BCKDHB: variants seen among roughly 807,000 people sequenced by gnomAD.
The protein encoded by BCKDHB is 2-oxoisovalerate dehydrogenase subunit beta, mitochondrial.
A neutral mutation model predicts 48.5 loss-of-function variants in BCKDHB; 41 were observed. That is an observed-to-expected ratio of 0.85 (90% confidence interval 0.66 to 1.10). The LOEUF is 1.10. Ranked by LOEUF, BCKDHB falls within the 50% of genes least tolerant of loss-of-function variation. BCKDHB has a pLI of 0.00. For missense variants in BCKDHB, 496 were observed against 494.2 expected (o/e 1.00, Z -0.03); for synonymous variants, 201 against 174.8 (o/e 1.15, Z -1.18).
At chr6:80,235,742 A>T (rs768994631) in intron 8 of BCKDHB, among the ~76,000 whole-genome samples, 1 of 152,170 alleles carries the variant, frequency 6.6e-6, no homozygotes, top group Non-Finnish European at 1.5e-5. Flanking sequence ...AGTGGATAGG[A>T]TAATTTAAAA....
intron 8 of BCKDHB, among the ~76,000 whole-genome samples, chr6:80,238,973 G>T (rs1445133078): frequency 1.3e-5 from 2 of 152,240 alleles, no homozygotes; most frequent in East Asian, 3.9e-4. Flanking sequence ...GTGTATATGT[G>T]CCACATTTTC....
At chr6:80,174,339 AT>A (rs1773052523) in intron 6 of BCKDHB, among the ~76,000 whole-genome samples, 1 of 152,168 alleles carries the variant, frequency 6.6e-6, no homozygotes, top group African/African-American at 2.4e-5. Flanking sequence ...TTTTTACATA[AT>A]GGTCCATTAG....
chr6:80,291,083 T>A (rs902511715), intron 9 of BCKDHB, among the ~76,000 whole-genome samples: 2 of 152,172 alleles, frequency 1.3e-5, no homozygotes, highest in African/African-American at 4.8e-5. Flanking sequence ...TCCTATCTCA[T>A]CCTGTGAATT....
intron 8 of BCKDHB, among the ~76,000 whole-genome samples, chr6:80,215,691 A>G (rs1775137440): frequency 6.6e-6 from 1 of 152,336 alleles, no homozygotes; most frequent in Non-Finnish European, 1.5e-5. Flanking sequence ...TTTTAGGTAC[A>G]TTTTAAAGAA....
rs575779949 is a variant in BCKDHB, at chr6:80,170,696, G to A, written c.634-586G>A. Reference sequence around the variant, plus strand: ...TGTCATCACCCTCATTCTCGAGAAGGTCCTGGAGCCCTTTCCTGTGAGTGG... The same window carrying A: ...TGTCATCACCCTCATTCTCGAGAAGATCCTGGAGCCCTTTCCTGTGAGTGG... On this transcript the variant is annotated intron_variant, in intron 5 of 9. Coordinates refer to ENST00000320393, the MANE Select transcript of BCKDHB (RefSeq NM_183050.4). 3.0e-3 allele frequency among the ~76,000 whole-genome samples: 454 copies of A among 152,252 alleles called. 1 individual carries two copies. The highest frequency in any genetic ancestry group is 0.011 in the African/African-American group (439 of 41,566).
At chr6:80,434,545 A>T in the BCKDHB span, among the ~76,000 whole-genome samples, 1 of 151,958 alleles carries the variant, frequency 6.6e-6, no homozygotes, top group Non-Finnish European at 1.5e-5. Context: ...GATATTGTGA[A>T]TTTTTTTATT....
At chr6:80,374,339 G>A in the BCKDHB span, 12 of 942,014 alleles carry the variant, frequency 1.3e-5, no homozygotes, top group Admixed American at 1.0e-4. Flanking sequence ...CTTGTGTCTA[G>A]CCCCACTGCT....
chr6:80,114,283 C>G (rs532473898), intron 1 of BCKDHB, among the ~76,000 whole-genome samples: 1 of 150,824 alleles, frequency 6.6e-6, no homozygotes, highest in East Asian at 1.9e-4. Flanking sequence ...GGGTCTCACT[C>G]TCTTGTCTAG....
chr6:80,435,816 G>A, the BCKDHB span, among the ~76,000 whole-genome samples: 1 of 152,032 alleles, frequency 6.6e-6, no homozygotes, highest in African/African-American at 2.4e-5. Flanking sequence ...GGTGGATCAC[G>A]AGGTCCAGAG....
At chr6:80,427,690 T>C in the BCKDHB span, among the ~76,000 whole-genome samples, 3 of 152,182 alleles carry the variant, frequency 2.0e-5, no homozygotes, top group East Asian at 5.8e-4. Flanking sequence ...TCTGAAAATA[T>C]CTTTATTAAA....
intron 9 of BCKDHB, among the ~76,000 whole-genome samples, chr6:80,312,573 A>G (rs1219372828): frequency 6.6e-6 from 1 of 152,172 alleles, no homozygotes; most frequent in African/African-American, 2.4e-5. Flanking sequence ...TGTCATACAT[A>G]TATGGCTCTT....
rs964814097 is a variant in BCKDHB at position 80,183,715 on chromosome 6, T to A, written c.742+12325T>A. On this transcript the variant is annotated intron_variant, in intron 6 of 9. Coordinates refer to ENST00000320393, the MANE Select transcript of BCKDHB (RefSeq NM_183050.4). ...AATATCTTGCAGAGTATTTCCACTG[T>A]CCTAGAAATTTTCTGTGCTTCATCT... Among the ~76,000 whole-genome samples the A allele has an allele frequency of 7.2e-5, 11 of 152,262 alleles. No homozygotes were observed. The East Asian group carries it at 1.7e-3, about 24-fold the overall frequency.
chr6:80,351,250 T>C (rs890517853), downstream of BCKDHB, among the ~76,000 whole-genome samples: 1 of 152,206 alleles, frequency 6.6e-6, no homozygotes, highest in African/African-American at 2.4e-5. Flanking sequence ...AGTCTTCAGA[T>C]AGATTTCAAA....
the BCKDHB span, chr6:80,441,144 T>G: frequency 6.6e-6 from 1 of 152,108 alleles, no homozygotes; most frequent in African/African-American, 2.4e-5. Flanking sequence ...AAAATCACCT[T>G]TAAAGGCAGA....
chr6:80,229,657 C>T (rs141460039), intron 8 of BCKDHB, among the ~76,000 whole-genome samples: 2 of 151,720 alleles, frequency 1.3e-5, no homozygotes, highest in Admixed American at 1.3e-4. Flanking sequence ...TTTTAGTGAA[C>T]ATGAGTTTAT....
At chr6:80,464,696 GAAGA>G in the BCKDHB span, among the ~76,000 whole-genome samples, 1 of 152,080 alleles carries the variant, frequency 6.6e-6, no homozygotes, top group Non-Finnish European at 1.5e-5. Context: ...TTTCACCTCA[GAAGA>G]AAGGCCACAA....
the BCKDHB span, among the ~76,000 whole-genome samples, chr6:80,387,605 C>A: frequency 6.6e-6 from 1 of 152,216 alleles, no homozygotes. Flanking sequence ...ATTGCTTGAG[C>A]AAATTAACAT....
intron 9 of BCKDHB, among the ~76,000 whole-genome samples, chr6:80,294,325 T>C (rs913439144): frequency 1.3e-5 from 2 of 152,208 alleles, no homozygotes; most frequent in Non-Finnish European, 2.9e-5. Context: ...CTCAGGACCA[T>C]GGTGATAATT....
chr6:80,293,987 A>G (rs1007319649), intron 9 of BCKDHB, among the ~76,000 whole-genome samples: 2 of 152,210 alleles, frequency 1.3e-5, no homozygotes, highest in African/African-American at 4.8e-5. Flanking sequence ...CATTTTGGTC[A>G]AAGCCATTCA....
Sources: gnomAD v4.1 joint callset for allele counts (sites outside exome capture counted in the v4.1 genomes callset) on GRCh38, gnomAD v4.1.1 for gene constraint, MANE v1.5 for transcripts, NCBI Gene and HGNC (gene_info 2026-07-23, HGNC 2026-07-21) for gene names.